CCNB3: variants seen among roughly 807,000 people sequenced by gnomAD.
CCNB3 encodes cyclin B3.
Under a neutral mutation model 68.0 loss-of-function variants are expected in CCNB3, and 12 were observed. That is an observed-to-expected ratio of 0.18 (90% confidence interval 0.11 to 0.29). CCNB3 has a LOEUF of 0.29. Ranked by LOEUF, CCNB3 falls within the 10% of genes least tolerant of loss-of-function variation. CCNB3 has a pLI of 1.00. For missense variants in CCNB3, 904 were observed against 993.1 expected (o/e 0.91, Z 1.21); for synonymous variants, 354 against 388.9 (o/e 0.91, Z 1.06).
At chrX:50,338,068 C>T in intron 8 of CCNB3, among the ~76,000 whole-genome samples, 1 of 112,007 alleles carries the variant, frequency 8.9e-6, no homozygotes, top group African/African-American at 3.2e-5. Context: ...CCACAGGCAC[C>T]TGCCATGCAC....
intron 1 of CCNB3, among the ~76,000 whole-genome samples, chrX:50,218,041 C>T (rs1015978615): frequency 4.1e-4 from 46 of 111,796 alleles, no homozygotes; most frequent in African/African-American, 1.3e-3. Context: ...TTATTTGCAT[C>T]GACAGTGAAT....
At chrX:50,331,055 A>G (rs1922570699) in intron 8 of CCNB3, among the ~76,000 whole-genome samples, 1 of 111,749 alleles carries the variant, frequency 8.9e-6, no homozygotes, top group South Asian at 3.8e-4. Flanking sequence ...GTGCCCACGT[A>G]GCAGGCCCAT....
chrX:50,293,906 A>G (rs530746884), intron 4 of CCNB3, among the ~76,000 whole-genome samples: 1 of 111,341 alleles, frequency 9.0e-6, no homozygotes, highest in Admixed American at 9.6e-5. Context: ...TTGAAATATA[A>G]TTAGGTTCAT....
chrX:50,325,268 T>C (rs1922235877), intron 8 of CCNB3, among the ~76,000 whole-genome samples: 2 of 111,868 alleles, frequency 1.8e-5, no homozygotes, highest in African/African-American at 6.5e-5. Flanking sequence ...TTATACAATA[T>C]TTTAACTGAA....
chrX:50,223,312 G>A (rs1485438289), intron 1 of CCNB3, among the ~76,000 whole-genome samples: 1 of 111,267 alleles, frequency 9.0e-6, no homozygotes, highest in Non-Finnish European at 1.9e-5. Context: ...TTGCTGGCGA[G>A]GAGCTGTGAT....
chrX:50,213,748 A>G (rs1414115470), intron 1 of CCNB3, among the ~76,000 whole-genome samples: 13 of 111,552 alleles, frequency 1.2e-4, no homozygotes, highest in African/African-American at 3.9e-4. Context: ...GTGCTTTCGA[A>G]GGAATTCATC....
chrX:50,351,703 G>T lies in CCNB3; in HGVS notation c.4188G>T (p.Ter1396TyrextTer6), dbSNP rs1923691719. 8.4e-7 allele frequency: 1 copy of T among 1,195,849 alleles called. No individual in the cohort carries two copies. Among genetic ancestry groups the T allele is most frequent in the African/African-American group, 1.7e-5 (1 of 57,501 alleles). ...GTGAGGCTCAGGGCCTGGTACTCTAGCAGCAGCCACAGGGCTAAGCATGCA... is the reference window on the plus strand; with the variant it reads ...GTGAGGCTCAGGGCCTGGTACTCTATCAGCAGCCACAGGGCTAAGCATGCA... ...CDCEAQGLVL* is the reference protein window; with the variant it reads ...CDCEAQGLVLY The change falls in exon 13 of 13, where the codon TAG becomes TAT. Residue 1396 changes from the stop codon to tyrosine, a stop_lost. Coordinates refer to ENST00000376042, the MANE Select transcript of CCNB3 (RefSeq NM_033031.3).
At chrX:50,298,409 G>A (rs1394033158) in intron 5 of CCNB3, among the ~76,000 whole-genome samples, 1 of 111,327 alleles carries the variant, frequency 9.0e-6, no homozygotes, top group African/African-American at 3.3e-5. Context: ...TTTGTCTTTG[G>A]TTCTGTTTAA....
chrX:50,299,797 C>T (rs1557212032), intron 5 of CCNB3, among the ~76,000 whole-genome samples: 2 of 111,453 alleles, frequency 1.8e-5, no homozygotes, highest in South Asian at 7.7e-4. Context: ...TAAGGACTTG[C>T]TTTATGAATC....
In CCNB3 at chrX:50,311,503, A is replaced by G. The variant is rs782211334; in HGVS notation, c.3327+7A>G. 2.6e-6 allele frequency: 3 copies of G among 1,141,382 alleles called. No homozygotes were observed. The South Asian group carries it at 5.7e-5, about 22-fold the overall frequency. 94.1% of individuals were successfully genotyped at this position (1,141,382 alleles called of 1,213,427 possible). On this transcript the variant is annotated splice_region_variant and intron_variant, in intron 6 of 12. Coordinates refer to ENST00000376042, the MANE Select transcript of CCNB3 (RefSeq NM_033031.3). Reference sequence around the variant, plus strand: ...CAAGGGAACACCAAAGGAGGTATTCATCTCCCTTTCTTCTTAAATTAGATA... The same window carrying G: ...CAAGGGAACACCAAAGGAGGTATTCGTCTCCCTTTCTTCTTAAATTAGATA...
intron 8 of CCNB3, among the ~76,000 whole-genome samples, chrX:50,322,696 A>T (rs182309551): frequency 2.8e-4 from 31 of 112,266 alleles, no homozygotes; most frequent in Non-Finnish European, 5.1e-4. Flanking sequence ...TAATATCCAG[A>T]ATCTACAAAT....
rs1936546025 is a variant in CCNB3 at position 50,298,783 on chromosome X, G to A, written c.335+3790G>A. Among the ~76,000 whole-genome samples the A allele has an allele frequency of 2.7e-5, 3 of 111,351 alleles. No individual in the cohort carries two copies. The Admixed American group carries it at 2.9e-4, about 11-fold the overall frequency. On this transcript the variant is annotated intron_variant, in intron 5 of 12. Coordinates refer to ENST00000376042, the MANE Select transcript of CCNB3 (RefSeq NM_033031.3). Reference sequence around the variant, plus strand: ...GTCCTGGACTTTTTTTGGTTGGTAAGCTATTAATTATTGCCTCAATTTCAG... The same window carrying A: ...GTCCTGGACTTTTTTTGGTTGGTAAACTATTAATTATTGCCTCAATTTCAG...
intron 8 of CCNB3, among the ~76,000 whole-genome samples, chrX:50,338,705 G>T (rs1402498429): frequency 1.8e-5 from 2 of 112,309 alleles, no homozygotes; most frequent in African/African-American, 6.5e-5. Context: ...AATATGAGGG[G>T]TGGTCTCCTC....
intron 1 of CCNB3, among the ~76,000 whole-genome samples, chrX:50,226,924 AAT>A (rs1258488350): frequency 0.012 from 767 of 66,203 alleles, 33 homozygotes; most frequent in African/African-American, 0.064. Context: ...ATATATATAG[AAT>A]ATATATAGTA....
At chrX:50,219,418 T>A (rs1230492707) in intron 1 of CCNB3, among the ~76,000 whole-genome samples, 2 of 111,399 alleles carry the variant, frequency 1.8e-5, no homozygotes, top group Non-Finnish European at 3.8e-5. Flanking sequence ...TACGTTTAAG[T>A]CTTTAATCCA....
At chrX:50,344,160 A>G (rs782194396) in intron 9 of CCNB3, among the ~76,000 whole-genome samples, 1 of 112,686 alleles carries the variant, frequency 8.9e-6, no homozygotes, top group East Asian at 2.8e-4. Context: ...ACATGTGCAT[A>G]GGTGTGTAGC....
intron 4 of CCNB3, 134 bp from the exon 5 acceptor site, chrX:50,294,729 A>C: frequency 1.5e-6 from 1 of 669,807 alleles, no homozygotes; most frequent in Non-Finnish European, 2.2e-6. Flanking sequence ...TTGGATTATC[A>C]CTCCTGGGAA....
At chrX:50,312,910 G>C (rs782301323) in intron 7 of CCNB3, among the ~76,000 whole-genome samples, 1 of 110,858 alleles carries the variant, frequency 9.0e-6, no homozygotes, top group South Asian at 3.9e-4. Flanking sequence ...ACATGGTAGA[G>C]CTGAGATATG....
intron 5 of CCNB3, among the ~76,000 whole-genome samples, chrX:50,298,488 G>A (rs1936533191): frequency 8.9e-6 from 1 of 111,815 alleles, no homozygotes; most frequent in East Asian, 2.8e-4. Context: ...AAGCCCACTT[G>A]ATCATGGTGG....
Sources: allele counts gnomAD v4.1 joint callset (sites outside exome capture counted in the v4.1 genomes callset), GRCh38; gene constraint gnomAD v4.1.1; transcripts MANE v1.5; gene names NCBI Gene and HGNC (gene_info 2026-07-23, HGNC 2026-07-21).